Variants in MYOM2 observed in about 807,000 individuals in gnomAD.
MYOM2 encodes myomesin 2.
A neutral mutation model predicts 187.6 loss-of-function variants in MYOM2; 254 were observed. The observed-to-expected ratio is 1.35, with a 90% CI of 1.22 to 1.50. MYOM2 has a LOEUF of 1.50. Among genes scored for constraint, MYOM2 ranks in the 40% most tolerant of loss-of-function variants. The probability of loss-of-function intolerance (pLI) is 0.00; values close to 1 mark genes in which losing one functional copy is unlikely to be tolerated. For missense variants in MYOM2, 2,796 were observed against 1,924.0 expected, an observed-to-expected ratio of 1.45 and a Z score of -8.48; for synonymous variants, 981 against 753.8, an observed-to-expected ratio of 1.30 and a Z score of -4.94.
At chr8:2,133,680 C>G (rs1019004618) in intron 32 of MYOM2, among the ~76,000 whole-genome samples, 2 of 152,246 alleles carry the variant, frequency 1.3e-5, no homozygotes, top group East Asian at 3.9e-4. Flanking sequence ...AGGCCGGTCT[C>G]GAACTCCTGA....
chr8:2,062,190 C>A lies in MYOM2; in HGVS notation c.653+2945C>A, dbSNP rs556102791. ...GTCACAGGCATAGCCAGTGGCCCTG[C>A]AGATCACGGGGACCCCGTGGGCCAT... is the stretch of plus-strand genomic sequence containing the variant. On this transcript the variant is annotated intron_variant, in intron 6 of 36. Transcript: ENST00000262113. 1.3e-4 allele frequency among the ~76,000 whole-genome samples: 20 copies of A among 152,254 alleles called. No individual in the cohort carries two copies. The South Asian group carries it at 3.5e-3, about 27-fold the overall frequency.
rs1230212394 is a variant in MYOM2 at position 2,050,675 on chromosome 8, C to A, written c.-12-80C>A. 3 of 798,326 alleles carry A rather than the reference C, an allele frequency of 3.8e-6. No homozygotes were observed. The African/African-American group carries it at 5.1e-5, about 14-fold the overall frequency. The allele number at this position is 798,326 out of a possible 1,614,324, so 49.5% of individuals were successfully genotyped here. On this transcript the variant is annotated intron_variant, in intron 1 of 36. Transcript: ENST00000262113. ...TTTTATTAACTGGAGTTCATTTTCC[C>A]CTTTGGAATGATGCAGAAATGGCAG... is the stretch of plus-strand genomic sequence containing the variant.
intron 12 of MYOM2, 121 bp from the exon 13 acceptor site, chr8:2,079,439 G>A (rs1819545370): frequency 2.2e-6 from 2 of 915,006 alleles, no homozygotes; most frequent in Admixed American, 3.4e-5. Context: ...GATGCCCCCA[G>A]AGGACTCACA....
intron 32 of MYOM2, among the ~76,000 whole-genome samples, chr8:2,137,123 T>C (rs960666001): frequency 1.3e-5 from 2 of 151,264 alleles, no homozygotes; most frequent in African/African-American, 4.9e-5. Context: ...TCTTCGTCTA[T>C]ACATCTAGGA....
intron 36 of MYOM2, among the ~76,000 whole-genome samples, chr8:2,144,242 C>G (rs1798377198): frequency 6.6e-6 from 1 of 151,242 alleles, no homozygotes; most frequent in Non-Finnish European, 1.5e-5. Context: ...CTCCAATTTA[C>G]CAGTTATAAA....
At chr8:2,105,284 G>A (rs556966475) in intron 21 of MYOM2, among the ~76,000 whole-genome samples, 34 of 152,130 alleles carry the variant, frequency 2.2e-4, no homozygotes, top group Non-Finnish European at 4.6e-4. Flanking sequence ...GGCTTTCCTT[G>A]CATCTGTGTC....
chr8:2,079,093 C>T (rs993502720), intron 12 of MYOM2, among the ~76,000 whole-genome samples, 160 bp downstream of exon 12: 1 of 152,172 alleles, frequency 6.6e-6, no homozygotes, highest in African/African-American at 2.4e-5. Flanking sequence ...ACATCTCCAC[C>T]AACATCACTA....
At chr8:2,096,056 G>T (rs1376500167) in intron 17 of MYOM2, among the ~76,000 whole-genome samples, 191 bp from the exon 18 acceptor site, 6 of 152,136 alleles carry the variant, frequency 3.9e-5, no homozygotes. Context: ...ATTTATTTTT[G>T]TACTCATCCC....
At chr8:2,136,732 G>A (rs1022694107) in intron 32 of MYOM2, among the ~76,000 whole-genome samples, 2 of 152,198 alleles carry the variant, frequency 1.3e-5, no homozygotes, top group East Asian at 1.9e-4. Flanking sequence ...GAATGATCGC[G>A]TGAAGGTGTA....
At chr8:2,091,775 C>T (rs149025708) in intron 15 of MYOM2, among the ~76,000 whole-genome samples, 17 of 152,294 alleles carry the variant, frequency 1.1e-4, no homozygotes, top group Non-Finnish European at 2.5e-4. Flanking sequence ...TGAAAAATGA[C>T]AGTGTCCATC....
rs887692684 is a variant in MYOM2, at chr8:2,101,527, C to T, written c.2619+473C>T. Among the ~76,000 whole-genome samples the T allele has an allele frequency of 5.3e-5, 8 of 152,178 alleles. No homozygotes were observed. The South Asian group carries it at 6.2e-4, about 12-fold the overall frequency. ...GGGGCGTGGCTGCTGAGGATGCAGC[C>T]GCCATGCGCGTTGTGGGGCCCAGCA... On this transcript the variant is annotated intron_variant, in intron 20 of 36. Transcript: ENST00000262113.
At chr8:2,100,109 T>C (rs1436235482) in intron 19 of MYOM2, among the ~76,000 whole-genome samples, 1,095 of 63,442 alleles carry the variant, frequency 0.017, 9 homozygotes, top group African/African-American at 0.037. Flanking sequence ...TCCTTCCTTC[T>C]TTCTTTCCTT....
At chr8:2,101,209 A>T (rs1035264666) in intron 20 of MYOM2, among the ~76,000 whole-genome samples, 155 bp downstream of exon 20, 1 of 152,116 alleles carries the variant, frequency 6.6e-6, no homozygotes, top group Admixed American at 6.6e-5. Context: ...TTAGCCGGGC[A>T]TGGCACCGTG....
chr8:2,120,680 T>TATATATATATATATAATA, intron 28 of MYOM2, among the ~76,000 whole-genome samples: 1 of 48,300 alleles, frequency 2.1e-5, no homozygotes, highest in Admixed American at 3.9e-4. Context: ...ATATATTATA[T>TATATATATATATATAATA]TATATATAAA....
intron 14 of MYOM2, 44 bp downstream of exon 14, chr8:2,085,434 GCC>G (rs753221264): frequency 1.3e-5 from 21 of 1,601,846 alleles, no homozygotes; most frequent in South Asian, 5.6e-5. Flanking sequence ...TCTCTGCATG[GCC>G]CCCCACTGTC....
intron 3 of MYOM2, among the ~76,000 whole-genome samples, chr8:2,055,320 C>G (rs1273062502): frequency 6.6e-6 from 1 of 152,168 alleles, no homozygotes; most frequent in Non-Finnish European, 1.5e-5. Flanking sequence ...AAGAGACCCA[C>G]AGGGCTGTGA....
chr8:2,128,125 C>T (rs1044690357), intron 31 of MYOM2, among the ~76,000 whole-genome samples: 1 of 152,076 alleles, frequency 6.6e-6, no homozygotes, highest in South Asian at 2.1e-4. Flanking sequence ...ATGGTTTAAG[C>T]TCTTTTCTAT....
intron 6 of MYOM2, among the ~76,000 whole-genome samples, chr8:2,066,036 C>T (rs942888715): frequency 6.6e-6 from 1 of 152,210 alleles, no homozygotes; most frequent in Non-Finnish European, 1.5e-5. Flanking sequence ...GTCCATGTAG[C>T]CCACACTCCC....
chr8:2,118,081 C>A lies in MYOM2; in HGVS notation c.3453+129C>A, dbSNP rs755035163. On this transcript the variant is annotated intron_variant, in intron 28 of 36. Transcript: ENST00000262113. The stretch of plus-strand genomic sequence containing the variant: ...GAAACGTGTGGTGCCTGTGTAGCTG[C>A]GGATGGGCGGAGTGGCTTTTGGGTC... 9 of 705,232 alleles carry A rather than the reference C, an allele frequency of 1.3e-5. No individual in the cohort carries two copies. In the South Asian group the frequency reaches 1.7e-4, roughly 13 times the overall value. The allele number at this position is 705,232 out of a possible 1,614,324, so 43.7% of individuals were successfully genotyped here. A position where few individuals can be genotyped will look rare whatever the true frequency, so the allele number is the denominator to read the frequency against.
Sources: gnomAD v4.1 joint callset for allele counts (sites outside exome capture counted in the v4.1 genomes callset) on GRCh38, gnomAD v4.1.1 for gene constraint, MANE v1.5 for transcripts, NCBI Gene and HGNC (gene_info 2026-07-23, HGNC 2026-07-21) for gene names.